Variants in MTCH2 observed in about 807,000 individuals in gnomAD.
The protein encoded by MTCH2 is mitochondrial carrier 2, also known as mitochondrial carrier homolog 2.
MTCH2 carries 25 observed loss-of-function variants against 50.6 expected under a neutral mutation model. The observed-to-expected ratio is 0.49, with a 90% CI of 0.36 to 0.69. MTCH2 has a LOEUF of 0.69. Among genes scored for constraint, MTCH2 ranks in the 30% least tolerant of loss-of-function variants. The probability of loss-of-function intolerance (pLI) is 0.00; values close to 1 mark genes in which losing one functional copy is unlikely to be tolerated. For missense variants in MTCH2, 273 were observed against 384.4 expected (o/e 0.71, Z 2.42); for synonymous variants, 106 against 132.0 (o/e 0.80, Z 1.35).
At chr11:47,607,199 C>T in the MTCH2 span, among the ~76,000 whole-genome samples, 1 of 152,196 alleles carries the variant, frequency 6.6e-6, no homozygotes, top group Non-Finnish European at 1.5e-5. Context: ...TTATCAGGCT[C>T]ATGGGGTGAT....
the MTCH2 span, among the ~76,000 whole-genome samples, chr11:47,609,124 C>CAA: frequency 9.0e-3 from 808 of 89,566 alleles, 6 homozygotes; most frequent in Non-Finnish European, 0.012. Flanking sequence ...AACTCTGTCT[C>CAA]AAAAAAAAAA....
At chr11:47,634,613 T>C (rs2097306746) in intron 5 of MTCH2, 59 bp downstream of exon 5, 24 of 1,296,792 alleles carry the variant, frequency 1.9e-5, no homozygotes, top group Non-Finnish European at 2.0e-5. Context: ...TCTGATTCCA[T>C]AGTTGCAACA....
chr11:47,639,139 G>T (rs1565977588), intron 1 of MTCH2, 88 bp from the exon 2 acceptor site: 5 of 1,197,920 alleles, frequency 4.2e-6, no homozygotes, highest in Non-Finnish European at 5.9e-6. Flanking sequence ...ACACAATTTG[G>T]GTTATTTTTA....
intron 1 of MTCH2, 134 bp downstream of exon 1, chr11:47,642,245 G>C (rs1002511611): frequency 9.3e-6 from 7 of 755,852 alleles, no homozygotes; most frequent in Non-Finnish European, 1.4e-5. Context: ...CTGCGGGGAG[G>C]TAAAGGGCAG....
intron 3 of MTCH2, among the ~76,000 whole-genome samples, chr11:47,636,752 A>C (rs534185772): frequency 2.3e-4 from 34 of 150,940 alleles, no homozygotes; most frequent in Non-Finnish European, 4.1e-4. Flanking sequence ...CAACAAAAAA[A>C]CCCAAAAAAC....
At chr11:47,618,971 A>G in intron 12 of MTCH2, 52 bp from the exon 13 acceptor site, 1 of 1,524,652 alleles carries the variant, frequency 6.6e-7, no homozygotes, top group Non-Finnish European at 9.0e-7. Flanking sequence ...AGATGAGATC[A>G]GCCAATCCAA....
intron 3 of MTCH2, among the ~76,000 whole-genome samples, chr11:47,636,816 C>T (rs1281137421): frequency 6.6e-6 from 1 of 151,944 alleles, no homozygotes; most frequent in Non-Finnish European, 1.5e-5. Flanking sequence ...CTTTGGAAGG[C>T]CGAAGAGGGA....
downstream of MTCH2, among the ~76,000 whole-genome samples, chr11:47,612,343 G>A (rs893476538): frequency 4.6e-5 from 7 of 152,128 alleles, no homozygotes; most frequent in Non-Finnish European, 1.0e-4. Context: ...TGAGATGGGC[G>A]GATCATGAGG....
chr11:47,609,626 C>CAAAAAA, the MTCH2 span, among the ~76,000 whole-genome samples: 106 of 88,124 alleles, frequency 1.2e-3, no homozygotes, highest in East Asian at 2.2e-3. Flanking sequence ...GACTCTGTCT[C>CAAAAAA]AAAAAAAAAA....
intron 7 of MTCH2, 45 bp downstream of exon 7, chr11:47,630,991 G>T: frequency 3.5e-6 from 5 of 1,442,396 alleles, no homozygotes; most frequent in Non-Finnish European, 3.9e-6. Flanking sequence ...CTAGTACTTT[G>T]GCTTCAAAAG....
At chr11:47,636,548 A>G (rs559850780) in intron 3 of MTCH2, among the ~76,000 whole-genome samples, 2 of 149,658 alleles carry the variant, frequency 1.3e-5, no homozygotes, top group African/African-American at 4.9e-5. Flanking sequence ...CCTGGCTGAC[A>G]TGGCGAAACC....
chr11:47,638,283 C>A (rs891737343), intron 3 of MTCH2, among the ~76,000 whole-genome samples: 1 of 147,980 alleles, frequency 6.8e-6, no homozygotes, highest in Non-Finnish European at 1.5e-5. Flanking sequence ...TGAGTCCCGC[C>A]GGGCGCGGTG....
chr11:47,625,789 T>C (rs1383049646), intron 10 of MTCH2, 48 bp from the exon 11 acceptor site: 5 of 1,486,164 alleles, frequency 3.4e-6, no homozygotes, highest in Non-Finnish European at 4.7e-6. Flanking sequence ...TCCTAGTCTT[T>C]ATTCTCCTTT....
chr11:47,614,009 C>T (rs934282148), downstream of MTCH2, among the ~76,000 whole-genome samples: 4 of 151,942 alleles, frequency 2.6e-5, no homozygotes, highest in African/African-American at 7.3e-5. Context: ...TTGCTTGAAC[C>T]CAGGAGGTGG....
chr11:47,609,150 A>G, the MTCH2 span, among the ~76,000 whole-genome samples: 1 of 149,166 alleles, frequency 6.7e-6, no homozygotes, highest in African/African-American at 2.5e-5. Context: ...AAAAAAAGAA[A>G]AAAGAAAAAA....
intron 4 of MTCH2, among the ~76,000 whole-genome samples, chr11:47,635,106 GTCTCGCTCTGTCAC>G (rs2097307339): frequency 6.6e-6 from 1 of 151,714 alleles, no homozygotes; most frequent in South Asian, 2.1e-4. Context: ...TTGAGATAGG[GTCTCGCTCTGTCAC>G]TCACGCGGAG....
In MTCH2 at chr11:47,634,769, A is replaced by ATTTT. The variant is rs139407275; in HGVS notation, c.307-39_307-36dup. 3,481 of 736,274 alleles carry ATTTT rather than the reference A, an allele frequency of 4.7e-3. 2 individuals carry two copies. Among genetic ancestry groups the ATTTT allele is most frequent in the South Asian group, 0.016 (767 of 48,764 alleles). 45.6% of individuals were successfully genotyped at this position (736,274 alleles called of 1,614,324 possible). A position where few individuals can be genotyped will look rare whatever the true frequency, so the allele number is the denominator to read the frequency against. ...AAAATCAAAGAAAATAGAGATCTTGATTTTTTTTTTTTTTTTTTTTTGAGA... is the reference window on the plus strand; with the variant it reads ...AAAATCAAAGAAAATAGAGATCTTGATTTTTTTTTTTTTTTTTTTTTTTTTGAGA... On this transcript the variant is annotated intron_variant, in intron 4 of 12. Coordinates refer to ENST00000302503, the MANE Select transcript of MTCH2 (RefSeq NM_014342.4).
At chr11:47,626,982 G>A in intron 10 of MTCH2, 98 bp downstream of exon 10, 1 of 888,382 alleles carries the variant, frequency 1.1e-6, no homozygotes, top group Non-Finnish European at 1.7e-6. Flanking sequence ...GAGACATCTG[G>A]TTATCTTAAA....
Position 47,640,446 on chromosome 11 carries a change from C to T in MTCH2, c.88-1395G>A, listed in dbSNP as rs148209255. Among the ~76,000 whole-genome samples, 756 of 152,214 alleles carry T rather than the reference C, an allele frequency of 5.0e-3. 8 individuals carry two copies. Among genetic ancestry groups the T allele is most frequent in the African/African-American group, 0.018 (727 of 41,534 alleles). On this transcript the variant is annotated intron_variant, in intron 1 of 12. Coordinates refer to ENST00000302503, the MANE Select transcript of MTCH2 (RefSeq NM_014342.4). ...TATTTATTTTTTGGAGACAGAGTTT[C>T]GCTCTTGTCGCCCAGGCTGGAGTGC...
Sources: gnomAD v4.1 joint callset for allele counts (sites outside exome capture counted in the v4.1 genomes callset) on GRCh38, gnomAD v4.1.1 for gene constraint, MANE v1.5 for transcripts, NCBI Gene and HGNC (gene_info 2026-07-23, HGNC 2026-07-21) for gene names.